Variants in PRKCA observed in about 807,000 individuals in gnomAD.
PRKCA encodes the protein protein kinase C alpha.
In PRKCA, 27 loss-of-function variants were observed where a neutral mutation model predicts 87.0. The observed-to-expected ratio is 0.31, with a 90% CI of 0.23 to 0.43. The LOEUF (loss-of-function observed/expected upper bound fraction) is 0.43, where lower values mean the gene tolerates loss of function less well. Among genes scored for constraint, PRKCA ranks in the 20% least tolerant of loss-of-function variants. The pLI, the probability that PRKCA is intolerant of heterozygous loss-of-function variation, is 1.00. For synonymous variants in PRKCA, 329 were observed against 311.1 expected, an observed-to-expected ratio of 1.06 and a Z score of -0.61; for missense variants, 518 against 852.3, an observed-to-expected ratio of 0.61 and a Z score of 4.88.
At position 66,420,738 on chromosome 17, in the gene PRKCA, G is replaced by T. The variant is rs533339257; in HGVS notation, c.206-75463G>T. 2.0e-5 allele frequency among the ~76,000 whole-genome samples: 3 copies of T among 152,280 alleles called. No individual in the cohort carries two copies. The South Asian group carries it at 6.2e-4, about 32-fold the overall frequency. ...GAGGAGCATGGAGCATTTGTAGTCAGAGGGAAGAAAAGACATTTGGAGGAT... is the reference window on the plus strand; with the variant it reads ...GAGGAGCATGGAGCATTTGTAGTCATAGGGAAGAAAAGACATTTGGAGGAT... On this transcript the variant is annotated intron_variant, in intron 2 of 16. Transcript: ENST00000413366.
chr17:66,321,752 C>T (rs142395143), intron 2 of PRKCA, among the ~76,000 whole-genome samples: 24,873 of 152,126 alleles, frequency 0.16, 2,598 homozygotes, highest in East Asian at 0.43. Context: ...CCATCTTGGC[C>T]AGGCTGATCT....
At chr17:66,729,992 C>T (rs1973847875) in intron 8 of PRKCA, among the ~76,000 whole-genome samples, 1 of 152,036 alleles carries the variant, frequency 6.6e-6, no homozygotes, top group African/African-American at 2.4e-5. Flanking sequence ...AGGGTTTCAC[C>T]ATGTTGGCCA....
At chr17:66,609,653 T>G in intron 3 of PRKCA, among the ~76,000 whole-genome samples, 1 of 146,588 alleles carries the variant, frequency 6.8e-6, no homozygotes, top group African/African-American at 2.5e-5. Context: ...ACCCCGAGAG[T>G]CAACGTGAGG....
At chr17:66,391,702 C>A (rs942323110) in intron 2 of PRKCA, among the ~76,000 whole-genome samples, 2 of 152,074 alleles carry the variant, frequency 1.3e-5, no homozygotes, top group Non-Finnish European at 2.9e-5. Flanking sequence ...TATTTTCTTT[C>A]GGAAACTTTC....
chr17:66,443,658 G>A (rs1913885426), intron 2 of PRKCA, among the ~76,000 whole-genome samples: 1 of 152,188 alleles, frequency 6.6e-6, no homozygotes, highest in East Asian at 1.9e-4. Flanking sequence ...CAGGCCCTTG[G>A]TAAATGACTT....
chr17:66,663,485 A>G (rs747565888), intron 5 of PRKCA, among the ~76,000 whole-genome samples: 1 of 152,210 alleles, frequency 6.6e-6, no homozygotes, highest in Non-Finnish European at 1.5e-5. Flanking sequence ...GAGGGGAAAG[A>G]TGAGGGAGGG....
At chr17:66,606,396 A>T (rs1885664348) in intron 3 of PRKCA, among the ~76,000 whole-genome samples, 1 of 152,234 alleles carries the variant, frequency 6.6e-6, no homozygotes, top group African/African-American at 2.4e-5. Context: ...GTCTCAAAAA[A>T]AATAATAAAA....
chr17:66,641,508 G>C, intron 4 of PRKCA, 42 bp downstream of exon 4: 1 of 1,461,414 alleles, frequency 6.8e-7, no homozygotes, highest in Non-Finnish European at 9.5e-7. Flanking sequence ...AGGCTCTGTA[G>C]CTCATGCTCA....
intron 8 of PRKCA, among the ~76,000 whole-genome samples, chr17:66,696,182 G>A (rs1028312238): frequency 6.6e-6 from 1 of 152,146 alleles, no homozygotes; most frequent in Non-Finnish European, 1.5e-5. Flanking sequence ...TTTGAGAAGT[G>A]GTATTGCATA....
In PRKCA at chr17:66,806,709, A is replaced by C. The variant is rs1478285236; in HGVS notation, c.*2672A>C. 6.6e-6 allele frequency: 1 copy of C among 152,142 alleles called. No individual in the cohort carries two copies. Among genetic ancestry groups the C allele is most frequent in the African/African-American group, 2.4e-5 (1 of 41,404 alleles). 9.4% of individuals were successfully genotyped at this position (152,142 alleles called of 1,614,324 possible). A position where few individuals can be genotyped will look rare whatever the true frequency, so the allele number is the denominator to read the frequency against. ...AGGCTTAGGCCTTCCCTGCAACCCC[A>C]ACACCCACAAGTTTGTTTCTCTAGG... On this transcript the variant is annotated 3_prime_UTR_variant, in exon 17 of 17. Transcript: ENST00000413366.
At chr17:66,538,771 G>T (rs1967877257) in intron 3 of PRKCA, among the ~76,000 whole-genome samples, 1 of 152,176 alleles carries the variant, frequency 6.6e-6, no homozygotes, top group South Asian at 2.1e-4. Flanking sequence ...TCATAGGTTG[G>T]AATGAGTACC....
rs1211501836 is a variant in PRKCA, at chr17:66,809,637, T to C, written c.*5600T>C. On this transcript the variant is annotated 3_prime_UTR_variant, in exon 17 of 17. Transcript: ENST00000413366. ...CCACTGCCAGATTTTCCCATGCTCC[T>C]AGGGTATGGAGTCCACGTGGGAATG... is the stretch of plus-strand genomic sequence containing the variant. 6.6e-6 allele frequency: 1 copy of C among 152,150 alleles called. No individual in the cohort carries two copies. The highest frequency in any genetic ancestry group is 2.4e-5 in the African/African-American group (1 of 41,422). 9.4% of individuals were successfully genotyped at this position (152,150 alleles called of 1,614,324 possible).
chr17:66,727,586 T>G (rs1973787976), intron 8 of PRKCA, among the ~76,000 whole-genome samples: 1 of 152,102 alleles, frequency 6.6e-6, no homozygotes, highest in South Asian at 2.1e-4. Flanking sequence ...GCTTATGCAG[T>G]TATTTCAACA....
intron 2 of PRKCA, among the ~76,000 whole-genome samples, chr17:66,361,751 A>G (rs1908404115): frequency 2.0e-5 from 3 of 152,250 alleles, no homozygotes; most frequent in Non-Finnish European, 1.5e-5. Context: ...CCATTAAGAA[A>G]TCAAGTAAAT....
Position 66,302,750 on chromosome 17 carries a change from C to A in PRKCA, c.-102C>A. ...CGGCCACCGGCCCGCGCCCCGCGCC[C>A]GGGGTCGCCCCGAGCCCGCACCTCT... On this transcript the variant is annotated 5_prime_UTR_variant, in exon 1 of 17. Transcript: ENST00000413366. 1.1e-6 allele frequency: 1 copy of A among 951,800 alleles called. No homozygotes were observed. The highest frequency in any genetic ancestry group is 1.3e-6 in the Non-Finnish European group (1 of 771,122). 59.0% of individuals were successfully genotyped at this position (951,800 alleles called of 1,614,324 possible).
chr17:66,554,880 C>CTTTTT lies in PRKCA; in HGVS notation c.288+58609_288+58613dup, dbSNP rs565435672. ...TGTCACCTTAAGTAGATTGTAAATTCTTTTTTTTTTTTTTTTAAAGACAGG... is the reference window on the plus strand; with the variant it reads ...TGTCACCTTAAGTAGATTGTAAATTCTTTTTTTTTTTTTTTTTTTTTAAAGACAGG... On this transcript the variant is annotated intron_variant, in intron 3 of 16. Transcript: ENST00000413366. 1.3e-4 allele frequency among the ~76,000 whole-genome samples: 18 copies of CTTTTT among 138,516 alleles called. 1 individual carries two copies. The highest frequency in any genetic ancestry group is 1.4e-4 in the Non-Finnish European group (9 of 64,196). The allele number at this position is 138,516 out of a possible 152,430, so 90.9% of individuals were successfully genotyped here. A position where few individuals can be genotyped will look rare whatever the true frequency, so the allele number is the denominator to read the frequency against.
chr17:66,441,590 G>C (rs1205931374), intron 2 of PRKCA, among the ~76,000 whole-genome samples: 2 of 152,048 alleles, frequency 1.3e-5, no homozygotes, highest in Non-Finnish European at 2.9e-5. Flanking sequence ...TCCTCTTCAG[G>C]TGGTTTCTGG....
At chr17:66,409,854 C>T (rs933109406) in intron 2 of PRKCA, among the ~76,000 whole-genome samples, 1 of 152,120 alleles carries the variant, frequency 6.6e-6, no homozygotes, top group South Asian at 2.1e-4. Flanking sequence ...GGAGGTGGAG[C>T]TTGCAGTGAG....
rs565504191 is a variant in PRKCA at position 66,333,420 on chromosome 17, AGTG to A, written c.205+27296_205+27298del. Among the ~76,000 whole-genome samples the A allele has an allele frequency of 4.1e-3, 628 of 152,334 alleles. 1 individual carries two copies. Among genetic ancestry groups the A allele is most frequent in the Non-Finnish European group, 6.8e-3 (465 of 68,034 alleles). ...TTTCTGATAAATAGTTCAAGGATAA[AGTG>A]GTCTAATTTGAATAATGGGACTTTA... On this transcript the variant is annotated intron_variant, in intron 2 of 16. Transcript: ENST00000413366.
Sources: gnomAD v4.1 joint callset for allele counts (sites outside exome capture counted in the v4.1 genomes callset) on GRCh38, gnomAD v4.1.1 for gene constraint, MANE v1.5 for transcripts, NCBI Gene and HGNC (gene_info 2026-07-23, HGNC 2026-07-21) for gene names.